YIPF7: variants seen among roughly 807,000 people sequenced by gnomAD.
The protein encoded by YIPF7 is protein YIPF7.
Under a neutral mutation model 27.2 loss-of-function variants are expected in YIPF7, and 35 were observed. The observed-to-expected ratio is 1.29, with a 90% confidence interval of 0.98 to 1.70. The LOEUF is 1.70. YIPF7 is among the 40% of genes most tolerant of loss of function. YIPF7 has a pLI of 0.00. For synonymous variants in YIPF7, 137 were observed against 110.4 expected, an observed-to-expected ratio of 1.24 and a Z score of -1.51; for missense variants, 358 against 303.7, an observed-to-expected ratio of 1.18 and a Z score of -1.33.
At chr4:44,628,231 C>G (rs535944781) in intron 4 of YIPF7, among the ~76,000 whole-genome samples, 4 of 152,086 alleles carry the variant, frequency 2.6e-5, no homozygotes, top group Non-Finnish European at 2.9e-5. Context: ...GCTGTAGTAC[C>G]AAGAAATAAG....
chr4:44,623,004 T>C (rs1242682737), intron 5 of YIPF7, among the ~76,000 whole-genome samples: 2 of 152,208 alleles, frequency 1.3e-5, no homozygotes, highest in East Asian at 3.8e-4. Context: ...GGTGCCTAGT[T>C]CCCACTACTT....
At chr4:44,632,966 A>AGCAGTGG (rs202035379) in intron 3 of YIPF7, among the ~76,000 whole-genome samples, 1 of 152,170 alleles carries the variant, frequency 6.6e-6, no homozygotes, top group African/African-American at 2.4e-5. Context: ...GGTGGAGGTG[A>AGCAGTGG]GCAGTGGGCA....
chr4:44,643,129 A>C (rs2087672), intron 2 of YIPF7, among the ~76,000 whole-genome samples: 4,237 of 152,254 alleles, frequency 0.028, 187 homozygotes, highest in African/African-American at 0.098. Flanking sequence ...TTATGACCAA[A>C]ATGCTGACGG....
chr4:44,632,514 G>A (rs575493348), intron 3 of YIPF7, among the ~76,000 whole-genome samples: 7 of 152,160 alleles, frequency 4.6e-5, no homozygotes, highest in Admixed American at 2.6e-4. Flanking sequence ...CATTAACAAA[G>A]AGCAAAATTT....
intron 2 of YIPF7, among the ~76,000 whole-genome samples, chr4:44,638,421 AAGAAGAT>A (rs553702418): frequency 1.4e-3 from 220 of 151,982 alleles, no homozygotes; most frequent in South Asian, 4.2e-3. Flanking sequence ...CAATTCTCAA[AAGAAGAT>A]ATACAAATGA....
chr4:44,633,977 A>G (rs1001693467), intron 3 of YIPF7, among the ~76,000 whole-genome samples: 5 of 152,154 alleles, frequency 3.3e-5, no homozygotes, highest in Non-Finnish European at 7.4e-5. Flanking sequence ...CTGGAAGTGG[A>G]GTAGAACACC....
chr4:44,648,667 T>C (rs191954835), intron 2 of YIPF7, among the ~76,000 whole-genome samples: 1 of 152,298 alleles, frequency 6.6e-6, no homozygotes, highest in African/African-American at 2.4e-5. Context: ...AAAGTGTCAA[T>C]TGCTTTTGTA....
intron 2 of YIPF7, among the ~76,000 whole-genome samples, chr4:44,638,214 T>A (rs1471352071): frequency 1.6e-5 from 2 of 125,682 alleles, no homozygotes; most frequent in African/African-American, 6.2e-5. Context: ...TCAGGATTTT[T>A]TTTTTTTTTT....
intron 4 of YIPF7, among the ~76,000 whole-genome samples, chr4:44,626,037 A>G (rs996181551): frequency 1.3e-5 from 2 of 152,298 alleles, no homozygotes; most frequent in African/African-American, 2.4e-5. Flanking sequence ...TTATTTTACA[A>G]TTAATCAGGG....
chr4:44,651,905 C>T (rs533871421), upstream of YIPF7, among the ~76,000 whole-genome samples: 1 of 152,082 alleles, frequency 6.6e-6, no homozygotes, highest in East Asian at 1.9e-4. Flanking sequence ...AAGTAAGAGG[C>T]CTCAATGTCC....
intron 4 of YIPF7, among the ~76,000 whole-genome samples, chr4:44,627,993 A>G (rs1346483096): frequency 6.6e-6 from 1 of 152,200 alleles, no homozygotes; most frequent in African/African-American, 2.4e-5. Flanking sequence ...AGTAACAGTA[A>G]TATTCTGCCA....
intron 2 of YIPF7, among the ~76,000 whole-genome samples, chr4:44,646,212 C>T (rs1347842912): frequency 7.2e-5 from 11 of 152,210 alleles, no homozygotes; most frequent in South Asian, 6.2e-4. Context: ...TGTAAATTTC[C>T]GATTAAGCTT....
intron 3 of YIPF7, among the ~76,000 whole-genome samples, chr4:44,634,315 C>A (rs1337909980): frequency 6.6e-6 from 1 of 152,164 alleles, no homozygotes; most frequent in South Asian, 2.1e-4. Flanking sequence ...GGTGGATCAC[C>A]CAAAGTCAGG....
chr4:44,629,432 A>G lies in YIPF7; in HGVS notation c.397T>C (p.Cys133Arg), dbSNP rs780675089. The G allele has an allele frequency of 4.4e-6, 7 of 1,598,862 alleles. No homozygotes were observed. The African/African-American group carries it at 8.0e-5, about 18-fold the overall frequency. The change falls in exon 4 of 6, where the codon TGC becomes CGC. Residue 133 changes from cysteine to arginine, a missense_variant. Cys to Arg is a radical substitution (Grantham distance 180, BLOSUM62 -3). Transcript: ENST00000415895. Reference sequence around the variant, plus strand: ...AGCAAGGTGGCTCCCAGGGCTACGCAAAAAAGAATGGGTCCAGTGAGGTCC... The same window carrying G: ...AGCAAGGTGGCTCCCAGGGCTACGCGAAAAAGAATGGGTCCAGTGAGGTCC... Reference protein sequence around the residue: ...ETDLTGPILFCVALGATLLLA... With the variant: ...ETDLTGPILFRVALGATLLLA...
chr4:44,657,993 A>T (rs1186155767), intron 2 of YIPF7, among the ~76,000 whole-genome samples: 2 of 152,088 alleles, frequency 1.3e-5, no homozygotes, highest in African/African-American at 4.8e-5. Context: ...CTGAGGTGGG[A>T]GGATCACTTG....
intron 2 of YIPF7, among the ~76,000 whole-genome samples, chr4:44,644,517 T>G (rs866695692): frequency 6.6e-6 from 1 of 152,316 alleles, no homozygotes; most frequent in South Asian, 2.1e-4. Context: ...CATTCCCTTT[T>G]TTTGGCCAAT....
rs1238797753 is a variant in YIPF7, at chr4:44,649,987, T to C, written c.114A>G (p.Arg38=). 1 of 1,501,602 alleles carries C rather than the reference T, an allele frequency of 6.7e-7. No individual in the cohort carries two copies. The highest frequency in any genetic ancestry group is 9.1e-7 in the Non-Finnish European group (1 of 1,104,862). 93.0% of individuals were successfully genotyped at this position (1,501,602 alleles called of 1,614,324 possible). A position where few individuals can be genotyped will look rare whatever the true frequency, so the allele number is the denominator to read the frequency against. ...SNAYGNLYGS[R]KQQAGEQPQP... The stretch of plus-strand genomic sequence containing the variant: ...AAAGAAAAATATTAAGTACTTACTT[T>C]CTAGATCCATAAAGATTTCCATAGG... The change falls in exon 2 of 6, where the codon AGA becomes AGG. Residue 38 remains arginine (R), a splice_region_variant and synonymous_variant. Transcript: ENST00000415895.
intron 2 of YIPF7, among the ~76,000 whole-genome samples, chr4:44,648,990 G>A (rs73177660): frequency 0.078 from 11,784 of 151,966 alleles, 532 homozygotes; most frequent in Admixed American, 0.13. Context: ...ATATTTTAAC[G>A]TGTTTACCTT....
chr4:44,635,746 C>G (rs553899624), intron 3 of YIPF7, among the ~76,000 whole-genome samples, 176 bp downstream of exon 3: 1 of 152,170 alleles, frequency 6.6e-6, no homozygotes, highest in Non-Finnish European at 1.5e-5. Context: ...TTCCCCTATG[C>G]AAACATGCAA....
Sources: gnomAD v4.1 joint callset for allele counts (sites outside exome capture counted in the v4.1 genomes callset) on GRCh38, gnomAD v4.1.1 for gene constraint, MANE v1.5 for transcripts, NCBI Gene and HGNC (gene_info 2026-07-23, HGNC 2026-07-21) for gene names.